Variants in LAMC3 observed in about 807,000 individuals in gnomAD.
The protein encoded by LAMC3 is laminin subunit gamma-3.
Under a neutral mutation model 173.8 loss-of-function variants are expected in LAMC3, and 128 were observed. The observed-to-expected ratio is 0.74, with a 90% CI of 0.64 to 0.85. The LOEUF is 0.85. Ranked by LOEUF, LAMC3 falls within the 40% of genes least tolerant of loss-of-function variation. The probability of loss-of-function intolerance (pLI) is 0.00; values close to 1 mark genes in which losing one functional copy is unlikely to be tolerated. For missense variants in LAMC3, 2,022 were observed against 2,156.0 expected, an observed-to-expected ratio of 0.94 and a Z score of 1.23; for synonymous variants, 897 against 909.1, an observed-to-expected ratio of 0.99 and a Z score of 0.24.
chr9:131,094,381 T>C lies in LAMC3; in HGVS notation c.*2594T>C, dbSNP rs1038817377. 1.3e-5 allele frequency: 2 copies of C among 152,140 alleles called. No homozygotes were observed. The highest frequency in any genetic ancestry group is 2.4e-5 in the African/African-American group (1 of 41,406). The allele number at this position is 152,140 out of a possible 1,614,324, so 9.4% of individuals were successfully genotyped here. A position where few individuals can be genotyped will look rare whatever the true frequency, so the allele number is the denominator to read the frequency against. ...TGCCACCCCCCAACCTAATGGGAGATGGTGTTCAGAGAAGAGGTGTGCTCC... is the reference window on the plus strand; with the variant it reads ...TGCCACCCCCCAACCTAATGGGAGACGGTGTTCAGAGAAGAGGTGTGCTCC... On this transcript the variant is annotated 3_prime_UTR_variant, in exon 28 of 28. Transcript: ENST00000361069.
intron 3 of LAMC3, among the ~76,000 whole-genome samples, chr9:131,032,594 CACTCGCTT>C: frequency 7.2e-6 from 1 of 138,452 alleles, no homozygotes; most frequent in African/African-American, 3.3e-5. Context: ...CTCTCTTTCT[CACTCGCTT>C]TCTCTCTCTC....
chr9:131,048,560 T>G (rs537655760), intron 8 of LAMC3, among the ~76,000 whole-genome samples: 2 of 152,262 alleles, frequency 1.3e-5, no homozygotes, highest in East Asian at 3.9e-4. Context: ...CCGTGTTAAC[T>G]GCTGTGGCCA....
Position 131,020,965 on chromosome 9 carries a change from T to C in LAMC3, c.374-5320T>C, listed in dbSNP as rs145898494. On this transcript the variant is annotated intron_variant, in intron 1 of 27. Coordinates refer to ENST00000361069, the MANE Select transcript of LAMC3 (RefSeq NM_006059.4). ...TCTTAGGTTTTTTGATGTTTTTTTT[T>C]CTCCCCAGAGTCTCTGGCTTCTTTT... 5.3e-5 allele frequency among the ~76,000 whole-genome samples: 8 copies of C among 152,338 alleles called. No homozygotes were observed. In the East Asian group the frequency reaches 1.5e-3, roughly 29 times the overall value.
At chr9:131,052,715 G>T (rs778215944) in intron 10 of LAMC3, 32 bp downstream of exon 10, 1 of 1,588,052 alleles carries the variant, frequency 6.3e-7, no homozygotes, top group Non-Finnish European at 8.6e-7. Context: ...GAGAGATGGG[G>T]AGGTGAGAGG....
chr9:131,053,973 A>G (rs1022551851), intron 11 of LAMC3, among the ~76,000 whole-genome samples: 1 of 152,034 alleles, frequency 6.6e-6, no homozygotes, highest in African/African-American at 2.4e-5. Context: ...ACTGCACTCC[A>G]GCCTGGGTGA....
chr9:131,072,870 A>C, intron 19 of LAMC3, 35 bp downstream of exon 19: 1 of 1,579,780 alleles, frequency 6.3e-7, no homozygotes, highest in Non-Finnish European at 8.6e-7. Context: ...GAACACACCA[A>C]ACCTGGGCAT....
intron 27 of LAMC3, among the ~76,000 whole-genome samples, chr9:131,090,532 G>T (rs1255935599): frequency 6.6e-6 from 1 of 152,210 alleles, no homozygotes; most frequent in African/African-American, 2.4e-5. Flanking sequence ...GCTTGCAGCT[G>T]CTTGCCCAGG....
rs1468449835 is a variant in LAMC3, at chr9:131,072,476, A to C, written c.3212-154A>C. Among the ~76,000 whole-genome samples the C allele has an allele frequency of 2.0e-5, 3 of 152,184 alleles. No homozygotes were observed. In the East Asian group the frequency reaches 5.8e-4, roughly 29 times the overall value. On this transcript the variant is annotated intron_variant, in intron 18 of 27. Transcript: ENST00000361069. ...TCTCTGGGCCTCGGCCTGCACCTGG[A>C]AAATGGGGGTACTCTGCCTTTGGGA...
intron 3 of LAMC3, among the ~76,000 whole-genome samples, chr9:131,034,224 G>A (rs1833900992): frequency 6.6e-6 from 1 of 152,164 alleles, no homozygotes; most frequent in Admixed American, 6.5e-5. Flanking sequence ...TCCTTTCCTG[G>A]GTCAGTGGGC....
chr9:131,026,771 G>A lies in LAMC3; in HGVS notation c.678+182G>A, dbSNP rs549822497. Reference sequence around the variant, plus strand: ...GTCGCCCAGGCTGGAGTGCAGTGACGCGATTTCGGTTCACTGAAACCTCCG... The same window carrying A: ...GTCGCCCAGGCTGGAGTGCAGTGACACGATTTCGGTTCACTGAAACCTCCG... On this transcript the variant is annotated intron_variant, in intron 2 of 27. Transcript: ENST00000361069. This position sits in a 1 kb window ranked among gnomAD's most constrained non-coding sequence, Gnocchi z 4.8. 6.2e-4 allele frequency among the ~76,000 whole-genome samples: 94 copies of A among 152,230 alleles called. No homozygotes were observed. The highest frequency in any genetic ancestry group is 2.1e-3 in the African/African-American group (86 of 41,538).
chr9:131,081,937 C>T, intron 23 of LAMC3, 122 bp from the exon 24 acceptor site: 1 of 721,250 alleles, frequency 1.4e-6, no homozygotes, highest in South Asian at 1.5e-5. Context: ...ACAGCGTGAC[C>T]CAGCGTCAGG....
chr9:131,043,313 C>T (rs1277817574), intron 7 of LAMC3, among the ~76,000 whole-genome samples: 1 of 152,242 alleles, frequency 6.6e-6, no homozygotes, highest in Non-Finnish European at 1.5e-5. Flanking sequence ...CTTGGGTACA[C>T]ACTATCTCTT....
At chr9:131,012,681 G>A (rs1372122392) in intron 1 of LAMC3, among the ~76,000 whole-genome samples, 1 of 152,204 alleles carries the variant, frequency 6.6e-6, no homozygotes, top group Non-Finnish European at 1.5e-5. Flanking sequence ...GGGATTGTCG[G>A]TGTCCCCTGT....
chr9:131,028,020 G>A (rs1029999020), intron 2 of LAMC3, among the ~76,000 whole-genome samples: 7 of 152,218 alleles, frequency 4.6e-5, no homozygotes, highest in Admixed American at 6.5e-5. Context: ...GCTGCAGACC[G>A]GTACTGGTCC....
rs1035285406 is a variant in LAMC3 at position 131,072,862 on chromosome 9, A to G, written c.3417+27A>G. On this transcript the variant is annotated intron_variant, in intron 19 of 27. Coordinates refer to ENST00000361069, the MANE Select transcript of LAMC3 (RefSeq NM_006059.4). ...TATCCCAGGGGACCCCCCTACCCGA[A>G]CACACCAAACCTGGGCATTGGTCCC... The G allele has an allele frequency of 3.8e-6, 6 of 1,592,188 alleles. No homozygotes were observed. The African/African-American group carries it at 5.4e-5, about 14-fold the overall frequency.
rs777019483 is a variant in LAMC3 at position 131,068,976 on chromosome 9, G to T, written c.2816G>T (p.Arg939Leu). The change falls in exon 16 of 28, where the codon CGC becomes CTC. Residue 939 changes from arginine to leucine, a missense_variant. Arg to Leu is a moderately radical substitution (Grantham distance 102, BLOSUM62 -2). Transcript: ENST00000361069. ...CCCAAGACTGGACAGTGCACCTGCC[G>T]CCCAGGTGTCACAGGCCAGGCCTGT... ...CHPKTGQCTC[R>L]PGVTGQACDR... The T allele has an allele frequency of 2.5e-6, 4 of 1,614,004 alleles. No individual in the cohort carries two copies. The highest frequency in any genetic ancestry group is 3.4e-6 in the Non-Finnish European group (4 of 1,179,942).
chr9:131,036,182 C>T lies in LAMC3; in HGVS notation c.826C>T (p.His276Tyr). ...SVGGRCKCNG[H>Y]ASECGPDVAG... ...TTTTCCCAGGTGCAAGTGCAACGGG[C>T]ATGCCAGCGAGTGCGGCCCCGACGT... The change falls in exon 4 of 28, where the codon CAT (histidine) becomes TAT (tyrosine). Residue 276 changes from histidine to tyrosine, a missense_variant. Coordinates refer to ENST00000361069, the MANE Select transcript of LAMC3 (RefSeq NM_006059.4). 1.2e-6 allele frequency: 2 copies of T among 1,613,254 alleles called. No individual in the cohort carries two copies. Among genetic ancestry groups the T allele is most frequent in the African/African-American group, 1.3e-5 (1 of 75,034 alleles).
rs1406024920 is a variant in LAMC3 at position 131,026,863 on chromosome 9, C to T, written c.678+274C>T. ...CTGAGATTACAGGTGCCCGCCACGA[C>T]TCCTGGCTGATTCTTTTTTGTATTT... On this transcript the variant is annotated intron_variant, in intron 2 of 27. Transcript: ENST00000361069. The surrounding 1 kb of genome is among the most constrained non-coding windows in gnomAD (Gnocchi z 4.8). 1.3e-5 allele frequency among the ~76,000 whole-genome samples: 2 copies of T among 152,176 alleles called. No homozygotes were observed. The highest frequency in any genetic ancestry group is 2.4e-5 in the African/African-American group (1 of 41,450).
At position 131,057,038 on chromosome 9, in the gene LAMC3, C is replaced by G; in HGVS notation, c.2049C>G (p.Phe683Leu). Reference protein sequence around the residue: ...CSCPTGYTGQFCESCAPGYKR... With the variant: ...CSCPTGYTGQLCESCAPGYKR... ...GTCCCACTGGCTACACGGGCCAGTT[C>G]TGTGAATCCTGTGCTCCGGGATACA... The change falls in exon 12 of 28, where the codon TTC (phenylalanine) becomes TTG (leucine). Residue 683 changes from phenylalanine (F) to leucine (L), a missense_variant. Transcript: ENST00000361069. 1 of 1,614,110 alleles carries G rather than the reference C, an allele frequency of 6.2e-7. No homozygotes were observed. Among genetic ancestry groups the G allele is most frequent in the Non-Finnish European group, 8.5e-7 (1 of 1,180,000 alleles).
Sources: gnomAD v4.1 joint callset for allele counts (sites outside exome capture counted in the v4.1 genomes callset) on GRCh38, gnomAD v4.1.1 for gene constraint, Gnocchi (gnomAD v3.1) non-coding constraint, MANE v1.5 for transcripts, NCBI Gene and HGNC (gene_info 2026-07-23, HGNC 2026-07-21) for gene names.